The following HECW2 variants were observed in gnomAD, a reference collection of about 807,000 sequenced individuals.
The protein encoded by HECW2 is E3 ubiquitin-protein ligase HECW2.
In HECW2, 61 loss-of-function variants were observed where a neutral mutation model predicts 175.2. The observed-to-expected ratio is 0.35, with a 90% CI of 0.28 to 0.43. HECW2 has a LOEUF of 0.43. Among genes scored for constraint, HECW2 ranks in the 20% least tolerant of loss-of-function variants. HECW2 has a pLI of 1.00. For synonymous variants in HECW2, 671 were observed against 731.0 expected (o/e 0.92, Z 1.32); for missense variants, 1,524 against 2,000.5 (o/e 0.76, Z 4.54).
At chr2:196,369,239 T>A (rs1325870417) in intron 2 of HECW2, among the ~76,000 whole-genome samples, 1 of 152,252 alleles carries the variant, frequency 6.6e-6, no homozygotes, top group Non-Finnish European at 1.5e-5. Flanking sequence ...TGCAGACTCC[T>A]ATAGGTACCA....
chr2:196,215,073 A>G (rs977287600), intron 28 of HECW2, among the ~76,000 whole-genome samples: 2 of 152,208 alleles, frequency 1.3e-5, no homozygotes, highest in Admixed American at 6.5e-5. Flanking sequence ...ATGCTACAGT[A>G]TTACTACTAA....
At chr2:196,512,999 C>T (rs758980912) in intron 1 of HECW2, among the ~76,000 whole-genome samples, 25 of 152,094 alleles carry the variant, frequency 1.6e-4, no homozygotes, top group Non-Finnish European at 3.5e-4. Context: ...GCTGATTTTA[C>T]TTTTTAATAT....
At chr2:196,348,489 AT>A (rs991489733) in intron 2 of HECW2, among the ~76,000 whole-genome samples, 25 of 151,936 alleles carry the variant, frequency 1.6e-4, no homozygotes, top group Non-Finnish European at 3.2e-4. Context: ...CAAAAAAAAA[AT>A]TTTTTTAATT....
intron 1 of HECW2, among the ~76,000 whole-genome samples, chr2:196,559,033 C>T (rs892761230): frequency 6.6e-6 from 1 of 152,126 alleles, no homozygotes; most frequent in African/African-American, 2.4e-5. Context: ...TAGAAATTAA[C>T]CCTATTTTTA....
chr2:196,462,998 C>G (rs1174708239), intron 1 of HECW2, among the ~76,000 whole-genome samples: 1 of 152,140 alleles, frequency 6.6e-6, no homozygotes, highest in Non-Finnish European at 1.5e-5. Flanking sequence ...CCCCCATTCC[C>G]CAGTGGTAGT....
Position 196,462,056 on chromosome 2 carries a change from G to A in HECW2, c.-35-28598C>T, listed in dbSNP as rs187322591. On this transcript the variant is annotated intron_variant, in intron 1 of 28. Coordinates refer to ENST00000644978, the MANE Select transcript of HECW2 (RefSeq NM_001348768.2). ...TACTCATATATATATGTGTGTGTGC[G>A]TATACATATATGTATACATATATGT... Among the ~76,000 whole-genome samples the A allele has an allele frequency of 6.9e-4, 105 of 152,010 alleles. No homozygotes were observed. The East Asian group carries it at 0.01, about 15-fold the overall frequency.
chr2:196,432,452 A>G (rs1419781310), intron 2 of HECW2, among the ~76,000 whole-genome samples: 3 of 152,240 alleles, frequency 2.0e-5, no homozygotes, highest in Admixed American at 6.5e-5. Flanking sequence ...TTTGCTTTCC[A>G]ATGTGGCAGA....
rs1269662895 is a variant in HECW2, at chr2:196,200,300, C to T, written c.*977G>A. The T allele has an allele frequency of 6.6e-6, 1 of 152,530 alleles. No homozygotes were observed. Among genetic ancestry groups the T allele is most frequent in the Non-Finnish European group, 1.5e-5 (1 of 67,996 alleles). The allele number at this position is 152,530 out of a possible 1,614,324, so 9.4% of individuals were successfully genotyped here. On this transcript the variant is annotated 3_prime_UTR_variant, in exon 29 of 29. Transcript: ENST00000644978. ...TTGTAATGTCCCTTCACCTTTGGTA[C>T]ATTCAGTGCAAAATATTTGGGGAAT...
At chr2:196,586,943 C>T (rs143174151) in intron 1 of HECW2, among the ~76,000 whole-genome samples, 1,703 of 152,242 alleles carry the variant, frequency 0.011, 14 homozygotes, top group Middle Eastern at 0.02. Flanking sequence ...CACTCCACTC[C>T]ACTGATATTA....
chr2:196,400,949 T>C (rs1279399466), intron 2 of HECW2, among the ~76,000 whole-genome samples: 1 of 152,232 alleles, frequency 6.6e-6, no homozygotes. Context: ...TATGCCCTAA[T>C]CATTCAGCAG....
At chr2:196,535,011 C>A (rs896017668) in intron 1 of HECW2, among the ~76,000 whole-genome samples, 16 of 150,196 alleles carry the variant, frequency 1.1e-4, no homozygotes, top group Non-Finnish European at 1.5e-4. Flanking sequence ...CCAATTTGCA[C>A]GACAAAACGA....
At chr2:196,492,824 G>C (rs1408445861) in intron 1 of HECW2, among the ~76,000 whole-genome samples, 9 of 152,124 alleles carry the variant, frequency 5.9e-5, no homozygotes, top group African/African-American at 1.7e-4. Flanking sequence ...CAGAAAAACT[G>C]CTACTTTAAC....
intron 1 of HECW2, among the ~76,000 whole-genome samples, chr2:196,548,887 T>C (rs1027118397): frequency 1.3e-5 from 2 of 152,128 alleles, no homozygotes; most frequent in Admixed American, 6.6e-5. Context: ...TTTCTGCCCA[T>C]ATTTCCCCTT....
chr2:196,306,498 T>C lies in HECW2; in HGVS notation c.2804A>G (p.His935Arg), dbSNP rs1168852533. The C allele has an allele frequency of 6.2e-7, 1 of 1,610,886 alleles. No individual in the cohort carries two copies. The highest frequency in any genetic ancestry group is 1.7e-5 in the Admixed American group (1 of 59,552). Reference protein sequence around the residue: ...LISPEFFTVLHSNPSAYRMFT... With the variant: ...LISPEFFTVLRSNPSAYRMFT... ...AGATTCGCTACTCACAGGGTTAGAATGCAGCACGGTGAAGAACTCTGGGCT... is the reference window on the plus strand; with the variant it reads ...AGATTCGCTACTCACAGGGTTAGAACGCAGCACGGTGAAGAACTCTGGGCT... Residue 935 changes from histidine to arginine, a missense_variant, in exon 13 of 29, where the codon CAT becomes CGT. This residue lies in a region of HECW2 where 105 missense variants were observed against 98.1 expected (regional missense o/e 1.07). Coordinates refer to ENST00000644978, the MANE Select transcript of HECW2 (RefSeq NM_001348768.2).
chr2:196,441,569 G>C (rs1696045155), intron 1 of HECW2, among the ~76,000 whole-genome samples: 1 of 152,124 alleles, frequency 6.6e-6, no homozygotes, highest in Non-Finnish European at 1.5e-5. Context: ...CCCATCCCCA[G>C]CAAGGCCAAT....
At chr2:196,324,445 T>G (rs920192699) in intron 6 of HECW2, among the ~76,000 whole-genome samples, 2 of 152,228 alleles carry the variant, frequency 1.3e-5, no homozygotes, top group Admixed American at 1.3e-4. Context: ...CTCAGGATGA[T>G]GACTCCTTGA....
intron 2 of HECW2, among the ~76,000 whole-genome samples, chr2:196,395,563 T>G (rs1211127775): frequency 6.6e-6 from 1 of 152,100 alleles, no homozygotes; most frequent in Non-Finnish European, 1.5e-5. Context: ...AAGAACTTAA[T>G]AGACATTTCT....
At chr2:196,435,990 C>T (rs536684074) in intron 1 of HECW2, among the ~76,000 whole-genome samples, 1 of 152,290 alleles carries the variant, frequency 6.6e-6, no homozygotes, top group Admixed American at 6.5e-5. Flanking sequence ...ACTTAATCAG[C>T]ATCTTCAGTA....
chr2:196,329,721 G>A (rs1692287696), intron 4 of HECW2, 71 bp from the exon 5 acceptor site: 1 of 1,213,084 alleles, frequency 8.2e-7, no homozygotes, highest in Admixed American at 1.7e-5. Flanking sequence ...AGGAAACCAT[G>A]TATGTTCCTA....
Sources: gnomAD v4.1 joint callset for allele counts (sites outside exome capture counted in the v4.1 genomes callset) on GRCh38, gnomAD v4.1.1 for gene constraint, gnomAD v4.1.1 regional missense constraint, MANE v1.5 for transcripts, NCBI Gene and HGNC (gene_info 2026-07-23, HGNC 2026-07-21) for gene names.